ST7: variants seen among roughly 807,000 people sequenced by gnomAD.
The protein encoded by ST7 is suppression of tumorigenicity 7.
ST7 carries 28 observed loss-of-function variants against 78.7 expected under a neutral mutation model. The ratio of observed to expected loss-of-function variants is 0.36; its 90% CI spans 0.26 to 0.49. ST7 has a LOEUF of 0.49. Among genes scored for constraint, ST7 ranks in the 20% least tolerant of loss-of-function variants. The pLI is 0.99. For missense variants in ST7, 418 were observed against 696.0 expected (o/e 0.60, Z 4.49); for synonymous variants, 247 against 249.6 (o/e 0.99, Z 0.10).
At chr7:117,167,553 G>C (rs1665891949) in intron 9 of ST7, among the ~76,000 whole-genome samples, 1 of 151,964 alleles carries the variant, frequency 6.6e-6, no homozygotes, top group African/African-American at 2.4e-5. Flanking sequence ...AAACTGTCAG[G>C]AAGACAGTTG....
At chr7:116,970,817 G>A (rs1793379652) in intron 1 of ST7, among the ~76,000 whole-genome samples, 1 of 152,116 alleles carries the variant, frequency 6.6e-6, no homozygotes, top group African/African-American at 2.4e-5. Context: ...CCACCTCAAA[G>A]GTAGTGTTCT....
intron 2 of ST7, among the ~76,000 whole-genome samples, chr7:117,105,837 G>A (rs1318292076): frequency 6.6e-6 from 1 of 152,194 alleles, no homozygotes; most frequent in Non-Finnish European, 1.5e-5. Flanking sequence ...AATATGTACA[G>A]CTATTATGTA....
intron 1 of ST7, chr7:117,014,773 A>G (rs1584453035): frequency 2.8e-6 from 1 of 354,350 alleles, no homozygotes; most frequent in East Asian, 4.1e-5. Flanking sequence ...GGAGTAAATA[A>G]CAGTTATTTT....
chr7:117,039,772 C>T, intron 1 of ST7, among the ~76,000 whole-genome samples: 1 of 152,128 alleles, frequency 6.6e-6, no homozygotes, highest in East Asian at 1.9e-4. Context: ...CAGTACTTCC[C>T]AGTAGGGTGT....
rs1381514774 is a variant in ST7, at chr7:117,064,010, ATTTC to A, written c.152-35749_152-35746del. Among the ~76,000 whole-genome samples the A allele has an allele frequency of 2.0e-5, 3 of 152,208 alleles. 1 individual carries two copies. Among genetic ancestry groups the A allele is most frequent in the African/African-American group, 7.2e-5 (3 of 41,460 alleles). On this transcript the variant is annotated intron_variant, in intron 1 of 15. Transcript: ENST00000323984. ...TAGGGAAATAATTAGATTTCCTCAT[ATTTC>A]TTCAGTAATTAAATAATAGCTATGA...
chr7:117,145,057 A>C lies in ST7; in HGVS notation c.963+6525A>C, dbSNP rs113740122. Among the ~76,000 whole-genome samples the C allele has an allele frequency of 3.3e-5, 5 of 152,006 alleles. No individual in the cohort carries two copies. In the East Asian group the frequency reaches 9.7e-4, roughly 29 times the overall value. On this transcript the variant is annotated intron_variant, in intron 9 of 15. Coordinates refer to ENST00000323984, the MANE Select transcript of ST7 (RefSeq NM_001369598.1). The stretch of plus-strand genomic sequence containing the variant: ...TCTACTAAAAATACATAAATTAGCC[A>C]GGTGTGGTAGCACACGCCTGTGGTC...
chr7:117,041,155 A>T (rs1325241374), intron 1 of ST7, among the ~76,000 whole-genome samples: 17 of 152,212 alleles, frequency 1.1e-4, no homozygotes, highest in Non-Finnish European at 1.5e-5. Context: ...CAAGGATATC[A>T]GCTGATTTTC....
At chr7:117,188,744 T>C (rs1809499454) in intron 10 of ST7, among the ~76,000 whole-genome samples, 2 of 147,906 alleles carry the variant, frequency 1.4e-5, no homozygotes, top group East Asian at 3.9e-4. Flanking sequence ...AAAAGTTATA[T>C]ATGTTTATTT....
At chr7:117,065,320 C>T (rs936948762) in intron 1 of ST7, among the ~76,000 whole-genome samples, 3 of 151,640 alleles carry the variant, frequency 2.0e-5, no homozygotes, top group Non-Finnish European at 2.9e-5. Context: ...GCCATTCTCC[C>T]GCCTCAGCCT....
At chr7:117,123,629 C>T (rs1803587918) in intron 3 of ST7, among the ~76,000 whole-genome samples, 1 of 152,124 alleles carries the variant, frequency 6.6e-6, no homozygotes, top group Non-Finnish European at 1.5e-5. Context: ...ATATATTCTG[C>T]CACATCACCA....
intron 1 of ST7, among the ~76,000 whole-genome samples, chr7:117,058,860 C>T (rs1208304322): frequency 1.3e-5 from 2 of 152,036 alleles, no homozygotes; most frequent in Non-Finnish European, 2.9e-5. Flanking sequence ...TACGATTCAG[C>T]CATAAAAAAG....
At chr7:117,176,999 G>A (rs1466076313) in intron 10 of ST7, among the ~76,000 whole-genome samples, 1 of 152,180 alleles carries the variant, frequency 6.6e-6, no homozygotes, top group East Asian at 1.9e-4. Context: ...GAGAGTCCTT[G>A]TGTAAAAGAT....
chr7:117,009,599 ATCTT>A (rs1319110872), intron 1 of ST7, among the ~76,000 whole-genome samples: 3 of 152,116 alleles, frequency 2.0e-5, no homozygotes, highest in Non-Finnish European at 4.4e-5. Context: ...GAAAATCTTA[ATCTT>A]TCTTATTTTT....
At chr7:117,147,564 T>A (rs1425384862) in intron 9 of ST7, among the ~76,000 whole-genome samples, 1 of 152,064 alleles carries the variant, frequency 6.6e-6, no homozygotes, top group East Asian at 1.9e-4. Flanking sequence ...TTTCTTCCTT[T>A]TCATTTTGTA....
At chr7:117,165,796 G>A (rs1452151311) in intron 9 of ST7, among the ~76,000 whole-genome samples, 1 of 152,124 alleles carries the variant, frequency 6.6e-6, no homozygotes, top group Non-Finnish European at 1.5e-5. Context: ...GAAAGTTGAG[G>A]AGCGGCCAGA....
At chr7:117,183,058 G>T (rs1808908044) in intron 10 of ST7, among the ~76,000 whole-genome samples, 1 of 152,104 alleles carries the variant, frequency 6.6e-6, no homozygotes, top group Non-Finnish European at 1.5e-5. Context: ...GGTCAGATTG[G>T]TAAGATAAGA....
chr7:117,137,083 T>C (rs1804850344), intron 8 of ST7: 1 of 152,176 alleles, frequency 6.6e-6, no homozygotes, highest in Admixed American at 6.6e-5. Context: ...ATTTTGTTTC[T>C]CACTTAGTTT....
At chr7:117,198,094 C>T (rs927707318) in intron 12 of ST7, among the ~76,000 whole-genome samples, 5 of 152,190 alleles carry the variant, frequency 3.3e-5, no homozygotes, top group Non-Finnish European at 5.9e-5. Flanking sequence ...CAATGACTCC[C>T]GTTACTTCCT....
chr7:116,956,405 AACTT>A (rs1792490609), intron 1 of ST7: 3 of 461,540 alleles, frequency 6.5e-6, no homozygotes, highest in Middle Eastern at 3.3e-4. Flanking sequence ...TAACGGGACT[AACTT>A]TGCTGTTCTT....
Sources: gnomAD v4.1 joint callset for allele counts (sites outside exome capture counted in the v4.1 genomes callset) on GRCh38, gnomAD v4.1.1 for gene constraint, MANE v1.5 for transcripts, NCBI Gene and HGNC (gene_info 2026-07-23, HGNC 2026-07-21) for gene names.